AKT3: variants seen among roughly 807,000 people sequenced by gnomAD.
AKT3 encodes AKT serine/threonine kinase 3.
A neutral mutation model predicts 65.3 loss-of-function variants in AKT3; 15 were observed. The ratio of observed to expected loss-of-function variants is 0.23; its 90% confidence interval spans 0.15 to 0.35. AKT3 has a LOEUF of 0.35. Among genes scored for constraint, AKT3 ranks in the 10% least tolerant of loss-of-function variants. The pLI is 1.00. For synonymous variants in AKT3, 206 were observed against 183.8 expected (o/e 1.12, Z -0.98); for missense variants, 243 against 576.5 (o/e 0.42, Z 5.92).
rs1683887553 is a variant in AKT3 at position 243,681,145 on chromosome 1, A to G, written c.172+14446T>C. ...TTCCTTGCCACTGGGAAATTCCATG[A>G]ACCTAGTTTCTCCAGCTATAAAATA... On this transcript the variant is annotated intron_variant, in intron 3 of 13. Coordinates refer to ENST00000673466, the MANE Select transcript of AKT3 (RefSeq NM_005465.7). 2.0e-5 allele frequency among the ~76,000 whole-genome samples: 3 copies of G among 152,276 alleles called. No individual in the cohort carries two copies. In the South Asian group the frequency reaches 6.2e-4, roughly 32 times the overall value.
At chr1:243,805,316 T>A (rs1692655573) in intron 2 of AKT3, among the ~76,000 whole-genome samples, 1 of 152,118 alleles carries the variant, frequency 6.6e-6, no homozygotes, top group South Asian at 2.1e-4. Flanking sequence ...TATGTTCTCA[T>A]CTCCTCCCAA....
chr1:243,798,945 T>C (rs889503466), intron 2 of AKT3, among the ~76,000 whole-genome samples: 8 of 152,222 alleles, frequency 5.3e-5, no homozygotes, highest in Non-Finnish European at 1.2e-4. Flanking sequence ...ATTCTGTTCA[T>C]CGCTAAAGTA....
chr1:243,721,782 A>C (rs1686928731), intron 2 of AKT3, among the ~76,000 whole-genome samples: 1 of 152,166 alleles, frequency 6.6e-6, no homozygotes, highest in Non-Finnish European at 1.5e-5. Context: ...AATTAAAAGA[A>C]TGCCACTGCT....
At chr1:243,694,155 A>T (rs143000339) in intron 3 of AKT3, among the ~76,000 whole-genome samples, 32 of 152,252 alleles carry the variant, frequency 2.1e-4, no homozygotes, top group African/African-American at 7.2e-4. Context: ...TACTTTTATA[A>T]ATTATTTCAG....
At chr1:243,789,735 A>G (rs1558812357) in intron 2 of AKT3, among the ~76,000 whole-genome samples, 1 of 152,226 alleles carries the variant, frequency 6.6e-6, no homozygotes, top group Non-Finnish European at 1.5e-5. Flanking sequence ...TACCTATGGC[A>G]GCAGCCATAC....
At chr1:243,586,153 T>C (rs1350959645) in intron 8 of AKT3, among the ~76,000 whole-genome samples, 2 of 152,110 alleles carry the variant, frequency 1.3e-5, no homozygotes, top group Admixed American at 6.5e-5. Flanking sequence ...TTCAGGGAAA[T>C]GTAAATCAAA....
intron 8 of AKT3, among the ~76,000 whole-genome samples, chr1:243,589,727 A>T (rs577437122): frequency 1.3e-5 from 2 of 152,312 alleles, no homozygotes; most frequent in South Asian, 2.1e-4. Flanking sequence ...TTTCAAATAG[A>T]TATCTGTACT....
chr1:243,643,821 T>G (rs1489147739), intron 5 of AKT3, among the ~76,000 whole-genome samples: 1 of 152,354 alleles, frequency 6.6e-6, no homozygotes, highest in Non-Finnish European at 1.5e-5. Flanking sequence ...TAGAATAATA[T>G]TCTTATTTCA....
chr1:243,844,722 T>C (rs1482653944), intron 1 of AKT3, among the ~76,000 whole-genome samples: 1 of 152,124 alleles, frequency 6.6e-6, no homozygotes, highest in African/African-American at 2.4e-5. Context: ...GCAAAAAAAG[T>C]TCCTCAGAAG....
chr1:243,810,288 TAAA>T (rs569302796), intron 2 of AKT3, among the ~76,000 whole-genome samples: 3,893 of 151,732 alleles, frequency 0.026, 156 homozygotes, highest in African/African-American at 0.089. Flanking sequence ...GCAAGACTAA[TAAA>T]GAAGAAAAGA....
intron 2 of AKT3, among the ~76,000 whole-genome samples, chr1:243,811,421 T>C (rs757307601): frequency 7.2e-5 from 11 of 152,318 alleles, no homozygotes; most frequent in Middle Eastern, 3.4e-3. Flanking sequence ...CCATTCACGA[T>C]TGCTTCAAAG....
intron 12 of AKT3, among the ~76,000 whole-genome samples, chr1:243,524,620 T>A (rs1395306856): frequency 6.6e-6 from 1 of 152,250 alleles, no homozygotes; most frequent in Admixed American, 6.5e-5. Flanking sequence ...TTTAGAAGGT[T>A]GCACAAACGT....
At chr1:243,659,425 T>C (rs1682096862) in intron 4 of AKT3, among the ~76,000 whole-genome samples, 1 of 152,082 alleles carries the variant, frequency 6.6e-6, no homozygotes, top group African/African-American at 2.4e-5. Flanking sequence ...ATTTTTACCA[T>C]AATTTTTTAA....
Position 243,552,835 on chromosome 1 carries a change from T to C in AKT3, c.1057A>G (p.Lys353Glu). 1 of 1,614,052 alleles carries C rather than the reference T, an allele frequency of 6.2e-7. No homozygotes were observed. The highest frequency in any genetic ancestry group is 8.5e-7 in the Non-Finnish European group (1 of 1,179,954). ...TCCATTAATATTAATTCAAAAAGTT[T>C]CTCATGGTCCTGGTTGTAGAAAGGT... ...RLPFYNQDHE[K>E]LFELILMEDI... Residue 353 changes from lysine (K) to glutamate (E), a missense_variant, in exon 11 of 14, where the codon AAA becomes GAA. This residue lies in a region of AKT3 where 20 missense variants were observed against 68.4 expected (regional missense o/e 0.29). Coordinates refer to ENST00000673466, the MANE Select transcript of AKT3 (RefSeq NM_005465.7).
chr1:243,839,945 G>A (rs1695140053), intron 2 of AKT3, among the ~76,000 whole-genome samples: 1 of 151,710 alleles, frequency 6.6e-6, no homozygotes, highest in South Asian at 2.1e-4. Flanking sequence ...CACTTTGGGA[G>A]GCCAAGGCAG....
At chr1:243,802,080 A>G (rs2148369047) in intron 2 of AKT3, among the ~76,000 whole-genome samples, 1 of 152,330 alleles carries the variant, frequency 6.6e-6, no homozygotes, top group Non-Finnish European at 1.5e-5. Flanking sequence ...ATCATCTTAA[A>G]TAATACCCGG....
intron 4 of AKT3, among the ~76,000 whole-genome samples, chr1:243,647,235 C>T (rs530938398): frequency 3.9e-5 from 6 of 152,172 alleles, no homozygotes; most frequent in South Asian, 2.1e-4. Flanking sequence ...ACTGCATATA[C>T]GATGGCAGTC....
intron 2 of AKT3, among the ~76,000 whole-genome samples, chr1:243,773,652 GAGAATA>G (rs1690348263): frequency 6.6e-6 from 1 of 152,080 alleles, no homozygotes; most frequent in Non-Finnish European, 1.5e-5. Flanking sequence ...TTTATAAAAT[GAGAATA>G]AGAATGTCAT....
intron 11 of AKT3, among the ~76,000 whole-genome samples, chr1:243,552,288 CAAAAAAAAAAAAAA>C (rs33995513): frequency 4.0e-5 from 2 of 50,170 alleles, no homozygotes; most frequent in East Asian, 6.7e-4. Flanking sequence ...GACTCTGTCT[CAAAAAAAAAAAAAA>C]AAAAAAAAAA....
Sources: allele counts gnomAD v4.1 joint callset (sites outside exome capture counted in the v4.1 genomes callset), GRCh38; gene constraint gnomAD v4.1.1; regional missense constraint gnomAD v4.1.1; transcripts MANE v1.5; gene names NCBI Gene and HGNC (gene_info 2026-07-23, HGNC 2026-07-21).